ARHGAP44: variants seen among roughly 807,000 people sequenced by gnomAD.
ARHGAP44 encodes rho GTPase-activating protein 44.
ARHGAP44 carries 43 observed loss-of-function variants against 106.8 expected under a neutral mutation model. That is an observed-to-expected ratio of 0.40 (90% CI 0.32 to 0.52). ARHGAP44 has a LOEUF of 0.52. ARHGAP44 is among the 20% of genes least tolerant of loss of function. The pLI is 0.48. For synonymous variants in ARHGAP44, 439 were observed against 410.3 expected (o/e 1.07, Z -0.85); for missense variants, 866 against 1,050.5 (o/e 0.82, Z 2.43).
At chr17:12,813,363 G>A (rs1197954715) in intron 1 of ARHGAP44, among the ~76,000 whole-genome samples, 1 of 151,964 alleles carries the variant, frequency 6.6e-6, no homozygotes, top group Non-Finnish European at 1.5e-5. Flanking sequence ...GAGACAGCAG[G>A]AGATAAGAAG....
At chr17:12,961,508 G>T (rs1373459105) in intron 16 of ARHGAP44, among the ~76,000 whole-genome samples, 1 of 152,232 alleles carries the variant, frequency 6.6e-6, no homozygotes, top group Non-Finnish European at 1.5e-5. Flanking sequence ...GCCAAGGCAG[G>T]TGGATCACCT....
intron 1 of ARHGAP44, among the ~76,000 whole-genome samples, chr17:12,846,564 A>G (rs1467931377): frequency 1.3e-5 from 2 of 152,254 alleles, no homozygotes; most frequent in East Asian, 3.8e-4. Flanking sequence ...CTAGTCCCCT[A>G]TGGAAAAACA....
intron 7 of ARHGAP44, chr17:12,929,345 G>T: frequency 4.1e-6 from 1 of 246,516 alleles, no homozygotes; most frequent in Non-Finnish European, 8.2e-6. Flanking sequence ...GAGTCCCAAA[G>T]AATAAATTCT....
chr17:12,816,747 T>C (rs777691152), intron 1 of ARHGAP44, among the ~76,000 whole-genome samples: 1 of 152,000 alleles, frequency 6.6e-6, no homozygotes, highest in Non-Finnish European at 1.5e-5. Context: ...GAATAGAGGC[T>C]CAAAATACAT....
At chr17:12,883,220 ATC>A (rs2036788793) in intron 1 of ARHGAP44, among the ~76,000 whole-genome samples, 1 of 150,752 alleles carries the variant, frequency 6.6e-6, no homozygotes, top group African/African-American at 2.4e-5. Context: ...TATCTTTTAA[ATC>A]TCTGTAGCTT....
At chr17:12,986,105 T>C (rs764629492) in intron 20 of ARHGAP44, 1 of 152,236 alleles carries the variant, frequency 6.6e-6, no homozygotes, top group Non-Finnish European at 1.5e-5. Flanking sequence ...GGGTCAGATT[T>C]AAATATTACG....
chr17:12,845,529 A>AAAAAAC (rs2035546969), intron 1 of ARHGAP44, among the ~76,000 whole-genome samples: 1 of 138,150 alleles, frequency 7.2e-6, no homozygotes, highest in Admixed American at 7.1e-5. Flanking sequence ...AAAACAAAAA[A>AAAAAAC]ACAACTCTTT....
At chr17:12,915,704 C>T (rs1273150669) in intron 4 of ARHGAP44, among the ~76,000 whole-genome samples, 196 bp from the exon 5 acceptor site, 2 of 152,086 alleles carry the variant, frequency 1.3e-5, no homozygotes, top group East Asian at 1.9e-4. Flanking sequence ...ATGAGTGGCA[C>T]CTTTTGGAAG....
At chr17:12,979,817 C>T (rs563571224) in intron 18 of ARHGAP44, among the ~76,000 whole-genome samples, 6 of 152,284 alleles carry the variant, frequency 3.9e-5, no homozygotes, top group Admixed American at 2.0e-4. Context: ...ATGAAAAGGG[C>T]ATTGGCAGTG....
chr17:12,939,335 G>A (rs1342956752), intron 7 of ARHGAP44, among the ~76,000 whole-genome samples: 1 of 152,092 alleles, frequency 6.6e-6, no homozygotes, highest in African/African-American at 2.4e-5. Flanking sequence ...AGACAGATAA[G>A]ATCCTTGAAC....
chr17:12,891,853 G>T (rs528610607), intron 1 of ARHGAP44, among the ~76,000 whole-genome samples: 2 of 149,886 alleles, frequency 1.3e-5, no homozygotes, highest in South Asian at 4.2e-4. Flanking sequence ...GGAGTGCAGT[G>T]GCATGATGTC....
chr17:12,974,498 A>G (rs2143341466), intron 18 of ARHGAP44, among the ~76,000 whole-genome samples, 188 bp downstream of exon 18: 1 of 152,112 alleles, frequency 6.6e-6, no homozygotes, highest in African/African-American at 2.4e-5. Context: ...GGATTATCAC[A>G]CGAAGTCCAG....
Position 12,821,256 on chromosome 17 carries a change from G to A in ARHGAP44, c.53+31365G>A, listed in dbSNP as rs115072359. On this transcript the variant is annotated intron_variant, in intron 1 of 20. Coordinates refer to ENST00000379672, the MANE Select transcript of ARHGAP44 (RefSeq NM_014859.6). ...GGGCATGGGGATGAGTAAGGGATGT[G>A]TTGTCTTCAGGTGTTTCCATTTACC... 8.1e-3 allele frequency among the ~76,000 whole-genome samples: 1,237 copies of A among 152,264 alleles called. 22 individuals are homozygous for A. The highest frequency in any genetic ancestry group is 0.028 in the African/African-American group (1,173 of 41,564).
At position 12,892,328 on chromosome 17, in the gene ARHGAP44, C is replaced by G. The variant is rs530910980; in HGVS notation, c.54-2612C>G. ...CTGCTGTCATTCTAATTGCTTTTCC[C>G]CCATTGTTAAGGTATCATTTCTTTC... is the stretch of plus-strand genomic sequence containing the variant. On this transcript the variant is annotated intron_variant, in intron 1 of 20. Transcript: ENST00000379672. Among the ~76,000 whole-genome samples the G allele has an allele frequency of 3.3e-5, 5 of 151,668 alleles. No homozygotes were observed. In the East Asian group the frequency reaches 9.7e-4, roughly 29 times the overall value.
intron 1 of ARHGAP44, among the ~76,000 whole-genome samples, chr17:12,813,382 A>G (rs2034496260): frequency 6.6e-6 from 1 of 152,128 alleles, no homozygotes; most frequent in Non-Finnish European, 1.5e-5. Context: ...AGGAAGAGAG[A>G]AAAACAAGAG....
intron 1 of ARHGAP44, 69 bp downstream of exon 1, chr17:12,789,960 A>G: frequency 4.3e-6 from 6 of 1,397,460 alleles, no homozygotes; most frequent in Non-Finnish European, 5.7e-6. Flanking sequence ...CGCGCAGGTG[A>G]TGGAGCCCGC....
intron 1 of ARHGAP44, among the ~76,000 whole-genome samples, chr17:12,874,278 C>G (rs1474629485): frequency 6.6e-6 from 1 of 152,154 alleles, no homozygotes; most frequent in African/African-American, 2.4e-5. Flanking sequence ...GGCTGAAGAC[C>G]GGGTCACATG....
chr17:12,988,817 G>A (rs1024061814), intron 20 of ARHGAP44: 3 of 151,212 alleles, frequency 2.0e-5, no homozygotes, highest in African/African-American at 4.9e-5. Flanking sequence ...GGTTGCTCAC[G>A]CCTGTAATCC....
chr17:12,864,327 G>A (rs1463011267), intron 1 of ARHGAP44, among the ~76,000 whole-genome samples: 1 of 152,110 alleles, frequency 6.6e-6, no homozygotes, highest in Non-Finnish European at 1.5e-5. Context: ...TGAATTGAGA[G>A]GCCAGAGTGT....
Sources: gnomAD v4.1 joint callset for allele counts (sites outside exome capture counted in the v4.1 genomes callset) on GRCh38, gnomAD v4.1.1 for gene constraint, MANE v1.5 for transcripts, NCBI Gene and HGNC (gene_info 2026-07-23, HGNC 2026-07-21) for gene names.